PLXNB1: variants seen among roughly 807,000 people sequenced by gnomAD.
The protein encoded by PLXNB1 is plexin B1.
Under a neutral mutation model 209.4 loss-of-function variants are expected in PLXNB1, and 106 were observed. The observed-to-expected ratio is 0.51, with a 90% confidence interval of 0.43 to 0.59. The LOEUF (loss-of-function observed/expected upper bound fraction) is 0.59, where lower values mean the gene tolerates loss of function less well. Among genes scored for constraint, PLXNB1 ranks in the 20% least tolerant of loss-of-function variants. The probability of loss-of-function intolerance (pLI) is 0.00; values close to 1 mark genes in which losing one functional copy is unlikely to be tolerated. For missense variants in PLXNB1, 2,357 were observed against 2,853.2 expected (o/e 0.83, Z 3.96); for synonymous variants, 1,167 against 1,183.2 (o/e 0.99, Z 0.28).
At position 48,417,384 on chromosome 3, in the gene PLXNB1, C is replaced by T. The variant is rs1289937984; in HGVS notation, c.3374+527G>A. Among the ~76,000 whole-genome samples the T allele has an allele frequency of 1.3e-5, 2 of 152,234 alleles. No homozygotes were observed. The highest frequency in any genetic ancestry group is 2.9e-5 in the Non-Finnish European group (2 of 68,036). ...CGTGTGTACCTTTGGGGCCTGCAAC[C>T]GCTGGCCAGGTTACCATAACCCAGG... On this transcript the variant is annotated intron_variant, in intron 16 of 37. Transcript: ENST00000296440. This position sits in a 1 kb window ranked among gnomAD's most constrained non-coding sequence, Gnocchi z 4.4.
Position 48,418,782 on chromosome 3 carries a change from T to A in PLXNB1, c.2955+135A>T. The A allele has an allele frequency of 8.7e-7, 1 of 1,146,626 alleles. No individual in the cohort carries two copies. Among genetic ancestry groups the A allele is most frequent in the Non-Finnish European group, 1.3e-6 (1 of 785,906 alleles). 71.0% of individuals were successfully genotyped at this position (1,146,626 alleles called of 1,614,324 possible). On this transcript the variant is annotated intron_variant, in intron 13 of 37. Transcript: ENST00000296440. This position sits in a 1 kb window ranked among gnomAD's most constrained non-coding sequence, Gnocchi z 6.6. Reference sequence around the variant, plus strand: ...GGGGCACATGGTCAGAGGTCAGAAATGGGTGTGGAGACTCCCTCAGGGCGA... The same window carrying A: ...GGGGCACATGGTCAGAGGTCAGAAAAGGGTGTGGAGACTCCCTCAGGGCGA...
Position 48,409,601 on chromosome 3 carries a change from T to C in PLXNB1, c.5909A>G (p.Gln1970Arg). 1 of 1,613,878 alleles carries C rather than the reference T, an allele frequency of 6.2e-7. No individual in the cohort carries two copies. Among genetic ancestry groups the C allele is most frequent in the Non-Finnish European group, 8.5e-7 (1 of 1,179,966 alleles). Residue 1970 changes from glutamine to arginine, a missense_variant, in exon 33 of 38, where the codon CAG becomes CGG. This residue lies in a region of PLXNB1 where 414 missense variants were observed against 520.5 expected (regional missense o/e 0.80). Coordinates refer to ENST00000296440, the MANE Select transcript of PLXNB1 (RefSeq NM_001130082.3). The surrounding 1 kb of genome is among the most constrained non-coding windows in gnomAD (Gnocchi z 5.8). ...GGTCTTCCAGATGTGGATGGTGTCC[T>C]GGTCGGAGATGCCATGCTGCTGGGC... Reference protein sequence around the residue: ...EQAQQHGISDQDTIHIWKTNS... With the variant: ...EQAQQHGISDRDTIHIWKTNS...
At chr3:48,422,699 C>T (rs2038611781) in intron 4 of PLXNB1, 66 bp downstream of exon 4, 1 of 1,530,220 alleles carries the variant, frequency 6.5e-7, no homozygotes, top group African/African-American at 1.4e-5. Context: ...TTAAACCAGG[C>T]TGGGTCCCTA....
intron 7 of PLXNB1, 46 bp downstream of exon 7, chr3:48,421,628 T>G (rs562431145): frequency 1.9e-6 from 3 of 1,548,092 alleles, no homozygotes; most frequent in Middle Eastern, 1.7e-4. Context: ...CAGACCTTGA[T>G]GCCCAGAGCC....
chr3:48,421,972 G>T, intron 6 of PLXNB1, 133 bp downstream of exon 6: 1 of 1,309,798 alleles, frequency 7.6e-7, no homozygotes, highest in Non-Finnish European at 1.1e-6. Flanking sequence ...CAGAGGATGG[G>T]GGTGAGGAAT....
chr3:48,416,080 C>A lies in PLXNB1; in HGVS notation c.3568G>T (p.Gly1190Trp). Residue 1190 changes from glycine (G) to tryptophan (W), a missense_variant, in exon 18 of 38, where the codon GGG becomes TGG. Physicochemically the swap from Gly to Trp is radical, Grantham distance 184. This residue lies in a region of PLXNB1 where 743 missense variants were observed against 896.2 expected (regional missense o/e 0.83). Coordinates refer to ENST00000296440, the MANE Select transcript of PLXNB1 (RefSeq NM_001130082.3). This position sits in a 1 kb window ranked among gnomAD's most constrained non-coding sequence, Gnocchi z 4.1. ...ACCACTCGGATGTCCTCCAGCCGCC[C>A]AGTCAGGAGCTTGGAGCCATTCAGG... The part of the protein sequence containing the change: ...LTLNGSKLLT[G>W]RLEDIRVVVG... The A allele has an allele frequency of 6.2e-7, 1 of 1,601,726 alleles. No individual in the cohort carries two copies. Among genetic ancestry groups the A allele is most frequent in the Non-Finnish European group, 8.5e-7 (1 of 1,174,404 alleles).
rs779131848 is a variant in PLXNB1 at position 48,424,047 on chromosome 3, G to A, written c.565C>T (p.Leu189=). ...GGIPPITTRA[L]WPPDPQAAFS... ...GCAGCTTGGGGGTCGGGCGGCCACA[G>A]GGCCCGGGTTGTGATGGGTGGAATG... The change falls in exon 3 of 38, where the codon CTG becomes TTG. Residue 189 remains leucine (L), a synonymous_variant. Transcript: ENST00000296440. 2 of 1,596,838 alleles carry A rather than the reference G, an allele frequency of 1.3e-6. No homozygotes were observed. The highest frequency in any genetic ancestry group is 1.7e-6 in the Non-Finnish European group (2 of 1,171,044).
At position 48,418,833 on chromosome 3, in the gene PLXNB1, G is replaced by T; in HGVS notation, c.2955+84C>A. 6.5e-7 allele frequency: 1 copy of T among 1,545,196 alleles called. No individual in the cohort carries two copies. Among genetic ancestry groups the T allele is most frequent in the Non-Finnish European group, 8.9e-7 (1 of 1,125,834 alleles). On this transcript the variant is annotated intron_variant, in intron 13 of 37. Coordinates refer to ENST00000296440, the MANE Select transcript of PLXNB1 (RefSeq NM_001130082.3). The surrounding 1 kb of genome is among the most constrained non-coding windows in gnomAD (Gnocchi z 6.6). ...CACGGTCAGAGCGTGGCTCTGGAAA[G>T]TGTGGTGCAGCCAGCTACAGTTGGC...
Position 48,418,396 on chromosome 3 carries a change from G to A in PLXNB1, c.3050-33C>T, listed in dbSNP as rs374949535. ...TGGCAGAGACACACGTGAGAGGCAGGCCTGGGAGAGCCCTGCTACCACCGC... is the reference window on the plus strand; with the variant it reads ...TGGCAGAGACACACGTGAGAGGCAGACCTGGGAGAGCCCTGCTACCACCGC... On this transcript the variant is annotated intron_variant, in intron 14 of 37. Coordinates refer to ENST00000296440, the MANE Select transcript of PLXNB1 (RefSeq NM_001130082.3). This position sits in a 1 kb window ranked among gnomAD's most constrained non-coding sequence, Gnocchi z 6.6. 12 of 1,613,238 alleles carry A rather than the reference G, an allele frequency of 7.4e-6. No homozygotes were observed. The highest frequency in any genetic ancestry group is 1.0e-5 in the Non-Finnish European group (12 of 1,179,942).
Position 48,418,408 on chromosome 3 carries a change from CCTG to C in PLXNB1, c.3049+38_3049+40del. 1 of 1,612,950 alleles carries C rather than the reference CCTG, an allele frequency of 6.2e-7. No individual in the cohort carries two copies. The highest frequency in any genetic ancestry group is 8.5e-7 in the Non-Finnish European group (1 of 1,179,744). ...ACGTGAGAGGCAGGCCTGGGAGAGC[CCTG>C]CTACCACCGCCAGCCCAGCAGCCCG... On this transcript the variant is annotated intron_variant, in intron 14 of 37. Coordinates refer to ENST00000296440, the MANE Select transcript of PLXNB1 (RefSeq NM_001130082.3). The surrounding 1 kb of genome is among the most constrained non-coding windows in gnomAD (Gnocchi z 6.6).
Position 48,424,010 on chromosome 3 carries a change from T to C in PLXNB1, c.602A>G (p.Glu201Gly), listed in dbSNP as rs768207490. The C allele has an allele frequency of 5.6e-6, 9 of 1,611,872 alleles. No individual in the cohort carries two copies. The highest frequency in any genetic ancestry group is 8.5e-7 in the Non-Finnish European group (1 of 1,179,028). The change falls in exon 3 of 38, where the codon GAG becomes GGG. Residue 201 changes from glutamate (E) to glycine (G), a missense_variant. Glu to Gly is a moderately conservative substitution (Grantham distance 98). Around this residue, in one of 7 missense-constraint regions of PLXNB1, gnomAD observed 404 missense variants for 443.6 expected, o/e 0.91. Transcript: ENST00000296440. ...GCCCACTGCCAGCTTGGCTGTCTCC[T>C]CATAGGAGAAGGCAGCTTGGGGGTC... ...PPDPQAAFSY[E>G]ETAKLAVGRL...
intron 1 of PLXNB1, among the ~76,000 whole-genome samples, chr3:48,428,849 C>T (rs978984490): frequency 3.3e-5 from 5 of 150,834 alleles, no homozygotes; most frequent in Middle Eastern, 3.4e-3. Flanking sequence ...GCTCGAGGTC[C>T]GCCTTTGTCA....
At position 48,405,904 on chromosome 3, in the gene PLXNB1, G is replaced by T; in HGVS notation, c.6229-106C>A. On this transcript the variant is annotated intron_variant, in intron 36 of 37. Coordinates refer to ENST00000296440, the MANE Select transcript of PLXNB1 (RefSeq NM_001130082.3). This position sits in a 1 kb window ranked among gnomAD's most constrained non-coding sequence, Gnocchi z 5.0. ...GGCTGGGGGAGAAGGGGACCTGAGAGGTAGAGAATGGGATGGGCACTACAG... is the reference window on the plus strand; with the variant it reads ...GGCTGGGGGAGAAGGGGACCTGAGATGTAGAGAATGGGATGGGCACTACAG... 1.2e-6 allele frequency: 1 copy of T among 827,586 alleles called. No individual in the cohort carries two copies. Among genetic ancestry groups the T allele is most frequent in the Non-Finnish European group, 2.0e-6 (1 of 497,798 alleles). The allele number at this position is 827,586 out of a possible 1,614,324, so 51.3% of individuals were successfully genotyped here. A position where few individuals can be genotyped will look rare whatever the true frequency, so the allele number is the denominator to read the frequency against.
At position 48,418,267 on chromosome 3, in the gene PLXNB1, G is replaced by C. The variant is rs748300609; in HGVS notation, c.3146C>G (p.Pro1049Arg). The C allele has an allele frequency of 6.2e-7, 1 of 1,613,590 alleles. No homozygotes were observed. The highest frequency in any genetic ancestry group is 8.5e-7 in the Non-Finnish European group (1 of 1,180,022). The stretch of plus-strand genomic sequence containing the variant: ...ACAGGCCTCCCGGGTCACACAACGT[G>C]GACGCTCCCCCTCACACCACACACA... The part of the protein sequence containing the change: ...YGCVWCEGER[P>R]RCVTREACGE... Residue 1049 changes from proline to arginine, a missense_variant, in exon 15 of 38, where the codon CCA becomes CGA. Physicochemically the swap from Pro to Arg is moderately radical, Grantham distance 103 (BLOSUM62 -2). This residue lies in a region of PLXNB1 where 743 missense variants were observed against 896.2 expected (regional missense o/e 0.83). Transcript: ENST00000296440. This position sits in a 1 kb window ranked among gnomAD's most constrained non-coding sequence, Gnocchi z 6.6.
chr3:48,421,043 A>G (rs914656888), intron 8 of PLXNB1, 87 bp from the exon 9 acceptor site: 40 of 1,329,470 alleles, frequency 3.0e-5, no homozygotes, highest in African/African-American at 4.3e-5. Flanking sequence ...TGAATGGGGA[A>G]GAGGACCCGG....
At position 48,411,425 on chromosome 3, in the gene PLXNB1, ATG is replaced by A. The variant is rs535761503; in HGVS notation, c.5248-391_5248-390del. ...CAGGGGAGGGGTTCAGCAGGCCTGA[ATG>A]GGGGTTTCCCACAGGAACCCTTGTG... On this transcript the variant is annotated intron_variant, in intron 28 of 37. Transcript: ENST00000296440. This position sits in a 1 kb window ranked among gnomAD's most constrained non-coding sequence, Gnocchi z 4.0. Among the ~76,000 whole-genome samples the A allele has an allele frequency of 8.3e-4, 126 of 152,290 alleles. No individual in the cohort carries two copies. Among genetic ancestry groups the A allele is most frequent in the African/African-American group, 2.7e-3 (114 of 41,556 alleles).
At position 48,415,017 on chromosome 3, in the gene PLXNB1, A is replaced by C; in HGVS notation, c.3991T>G (p.Ser1331Ala). ...QQFEEPCHVN[S>A]SQLITCRTPA... ...GTGCGGCACGTGATGAGCTGGGAGGAGTTGACATGGCACGGCTCCTCAAAC... is the reference window on the plus strand; with the variant it reads ...GTGCGGCACGTGATGAGCTGGGAGGCGTTGACATGGCACGGCTCCTCAAAC... The change falls in exon 21 of 38, where the codon TCC (serine) becomes GCC (alanine). Residue 1331 changes from serine (S) to alanine (A), a missense_variant. Ser to Ala is a moderately conservative substitution (Grantham distance 99). This residue lies in a region of PLXNB1 where 743 missense variants were observed against 896.2 expected (regional missense o/e 0.83). Coordinates refer to ENST00000296440, the MANE Select transcript of PLXNB1 (RefSeq NM_001130082.3). This position sits in a 1 kb window ranked among gnomAD's most constrained non-coding sequence, Gnocchi z 5.0. 2 of 1,613,234 alleles carry C rather than the reference A, an allele frequency of 1.2e-6. No individual in the cohort carries two copies. The highest frequency in any genetic ancestry group is 1.7e-6 in the Non-Finnish European group (2 of 1,179,868).
rs577721448 is a variant in PLXNB1, at chr3:48,417,939, C to T, written c.3346G>A (p.Asp1116Asn). ...CTGGAGACCTCGTACTCCTGGGCATCCACAGCACAGGGCACTCCAGCCACC... is the reference window on the plus strand; with the variant it reads ...CTGGAGACCTCGTACTCCTGGGCATTCACAGCACAGGGCACTCCAGCCACC... ...VTVAGVPCAV[D>N]AQEYEVSSSL... The change falls in exon 16 of 38, where the codon GAT (aspartate) becomes AAT (asparagine). Residue 1116 changes from aspartate to asparagine, a missense_variant. Physicochemically the swap from Asp to Asn is conservative, Grantham distance 23 (BLOSUM62 1). This residue lies in a region of PLXNB1 where 743 missense variants were observed against 896.2 expected (regional missense o/e 0.83). Coordinates refer to ENST00000296440, the MANE Select transcript of PLXNB1 (RefSeq NM_001130082.3). This position sits in a 1 kb window ranked among gnomAD's most constrained non-coding sequence, Gnocchi z 4.4. The T allele has an allele frequency of 5.6e-6, 9 of 1,612,752 alleles. No individual in the cohort carries two copies. Among genetic ancestry groups the T allele is most frequent in the Non-Finnish European group, 7.6e-6 (9 of 1,179,692 alleles).
rs1049336487 is a variant in PLXNB1 at position 48,411,503 on chromosome 3, C to T, written c.5247+360G>A. 6.6e-6 allele frequency among the ~76,000 whole-genome samples: 1 copy of T among 152,198 alleles called. No homozygotes were observed. Among genetic ancestry groups the T allele is most frequent in the African/African-American group, 2.4e-5 (1 of 41,452 alleles). ...GAGAGAAGTGCCTGCCAGAGTGAGG[C>T]TGGCTTGGTGGGCAAGGCCGCATTC... On this transcript the variant is annotated intron_variant, in intron 28 of 37. Transcript: ENST00000296440. The surrounding 1 kb of genome is among the most constrained non-coding windows in gnomAD (Gnocchi z 4.0).
Sources: allele counts gnomAD v4.1 joint callset (sites outside exome capture counted in the v4.1 genomes callset), GRCh38; gene constraint gnomAD v4.1.1; regional missense constraint gnomAD v4.1.1; non-coding constraint Gnocchi (gnomAD v3.1); transcripts MANE v1.5; gene names NCBI Gene and HGNC (gene_info 2026-07-23, HGNC 2026-07-21).